Variants in AAK1 observed in about 807,000 individuals in gnomAD.
AAK1 encodes AP2 associated kinase 1.
In AAK1, 37 loss-of-function variants were observed where a neutral mutation model predicts 116.0. The ratio of observed to expected loss-of-function variants is 0.32; its 90% CI spans 0.25 to 0.42. AAK1 has a LOEUF of 0.42. Among genes scored for constraint, AAK1 ranks in the 10% least tolerant of loss-of-function variants. AAK1 has a pLI of 1.00. For synonymous variants in AAK1, 458 were observed against 439.9 expected (o/e 1.04, Z -0.51); for missense variants, 919 against 1,170.6 (o/e 0.79, Z 3.14).
chr2:69,642,352 T>C (rs984888680), intron 2 of AAK1, among the ~76,000 whole-genome samples: 2 of 152,152 alleles, frequency 1.3e-5, no homozygotes, highest in Admixed American at 1.3e-4. Flanking sequence ...AGGAAACAAA[T>C]CTACTAGTGA....
chr2:69,476,063 A>T, intron 21 of AAK1, 100 bp from the exon 22 acceptor site: 1 of 1,480,836 alleles, frequency 6.8e-7, no homozygotes, highest in African/African-American at 1.4e-5. Flanking sequence ...AACCAAAACC[A>T]AAACAAAAAA....
intron 17 of AAK1, 97 bp from the exon 18 acceptor site, chr2:69,482,909 G>T: frequency 2.8e-6 from 2 of 707,244 alleles, no homozygotes; most frequent in Non-Finnish European, 4.9e-6. Context: ...CATTTTAGGG[G>T]TCAATATTTG....
chr2:69,461,799 C>A lies in AAK1; in HGVS notation c.*14070G>T. ...TAGAGACAGGGTTTCACCATGTTGG[C>A]CAGGCTGGTCTCAAACTCCTACCCT... On this transcript the variant is annotated 3_prime_UTR_variant, in exon 22 of 22. Coordinates refer to ENST00000409085, the MANE Select transcript of AAK1 (RefSeq NM_014911.5). 5 of 287,968 alleles carry A rather than the reference C, an allele frequency of 1.7e-5. No individual in the cohort carries two copies. The highest frequency in any genetic ancestry group is 1.3e-4 in the South Asian group (5 of 37,702). The allele number at this position is 287,968 out of a possible 1,614,324, so 17.8% of individuals were successfully genotyped here.
chr2:69,467,683 C>A lies in AAK1; in HGVS notation c.*8186G>T. 1.0e-6 allele frequency: 1 copy of A among 985,380 alleles called. No homozygotes were observed. Among genetic ancestry groups the A allele is most frequent in the Non-Finnish European group, 1.2e-6 (1 of 829,920 alleles). 61.0% of individuals were successfully genotyped at this position (985,380 alleles called of 1,614,324 possible). ...CTCAATGATCCCCTTCCCATACTGA[C>A]CCTCTCCCCTCCTATGCAAACCATT... On this transcript the variant is annotated 3_prime_UTR_variant, in exon 22 of 22. Coordinates refer to ENST00000409085, the MANE Select transcript of AAK1 (RefSeq NM_014911.5).
intron 12 of AAK1, among the ~76,000 whole-genome samples, chr2:69,516,245 T>C (rs1392682723): frequency 6.6e-6 from 1 of 152,040 alleles, no homozygotes; most frequent in Non-Finnish European, 1.5e-5. Context: ...AATCATATGG[T>C]TATTGCTATC....
intron 2 of AAK1, among the ~76,000 whole-genome samples, chr2:69,566,968 A>C (rs151099867): frequency 3.3e-5 from 5 of 152,280 alleles, no homozygotes; most frequent in African/African-American, 4.8e-5. Flanking sequence ...CAGAAACTTA[A>C]TATCATTTGA....
At position 69,460,984 on chromosome 2, in the gene AAK1, TA is replaced by T. The variant is rs1265287165; in HGVS notation, c.*14884del. 1 of 152,202 alleles carries T rather than the reference TA, an allele frequency of 6.6e-6. No individual in the cohort carries two copies. Among genetic ancestry groups the T allele is most frequent in the Admixed American group, 6.5e-5 (1 of 15,278 alleles). 9.4% of individuals were successfully genotyped at this position (152,202 alleles called of 1,614,324 possible). A position where few individuals can be genotyped will look rare whatever the true frequency, so the allele number is the denominator to read the frequency against. On this transcript the variant is annotated 3_prime_UTR_variant, in exon 22 of 22. Coordinates refer to ENST00000409085, the MANE Select transcript of AAK1 (RefSeq NM_014911.5). Reference sequence around the variant, plus strand: ...ACTTCTATGTTCCCTATCAAATGTGTAAAGCAAAAACACAACAAACGAAAAC... The same window carrying T: ...ACTTCTATGTTCCCTATCAAATGTGTAAGCAAAAACACAACAAACGAAAAC...
rs1574178826 is a variant in AAK1 at position 69,462,218 on chromosome 2, T to A, written c.*13651A>T. The stretch of plus-strand genomic sequence containing the variant: ...GAACATCACACTCTGGGGACTGTTG[T>A]GGGGTGGGGGGAGGGGGGCGGGATA... On this transcript the variant is annotated 3_prime_UTR_variant, in exon 22 of 22. Coordinates refer to ENST00000409085, the MANE Select transcript of AAK1 (RefSeq NM_014911.5). 2.4e-5 allele frequency: 1 copy of A among 40,858 alleles called. No homozygotes were observed. The highest frequency in any genetic ancestry group is 4.4e-5 in the Non-Finnish European group (1 of 22,882). 2.5% of individuals were successfully genotyped at this position (40,858 alleles called of 1,614,324 possible). A position where few individuals can be genotyped will look rare whatever the true frequency, so the allele number is the denominator to read the frequency against.
chr2:69,475,669 T>G lies in AAK1; in HGVS notation c.*200A>C, dbSNP rs755582666. The G allele has an allele frequency of 2.1e-5, 29 of 1,363,744 alleles. No homozygotes were observed. The highest frequency in any genetic ancestry group is 2.8e-4 in the Middle Eastern group (1 of 3,634). 84.5% of individuals were successfully genotyped at this position (1,363,744 alleles called of 1,614,324 possible). On this transcript the variant is annotated 3_prime_UTR_variant, in exon 22 of 22. Coordinates refer to ENST00000409085, the MANE Select transcript of AAK1 (RefSeq NM_014911.5). ...ACACAGCAAACTAACAAGGAGGAAC[T>G]GGCCAAGGAATATCTGGAGGGCCAA...
At chr2:69,522,518 A>G (rs1390338533) in intron 10 of AAK1, among the ~76,000 whole-genome samples, 1 of 152,002 alleles carries the variant, frequency 6.6e-6, no homozygotes, top group Non-Finnish European at 1.5e-5. Context: ...AGAAAGAAAA[A>G]GCTGGCTGGG....
At chr2:69,622,506 A>G (rs188717981) in intron 2 of AAK1, among the ~76,000 whole-genome samples, 3,330 of 152,326 alleles carry the variant, frequency 0.022, 109 homozygotes, top group African/African-American at 0.074. Flanking sequence ...TGGGCTCCCG[A>G]GTCTAGTGGA....
At chr2:69,585,531 C>T (rs1404036029) in intron 2 of AAK1, among the ~76,000 whole-genome samples, 1 of 152,186 alleles carries the variant, frequency 6.6e-6, no homozygotes, top group Non-Finnish European at 1.5e-5. Context: ...AGCTTGGTGC[C>T]TGTCATCACT....
chr2:69,509,991 G>C (rs891317498), intron 13 of AAK1, among the ~76,000 whole-genome samples: 5 of 152,226 alleles, frequency 3.3e-5, no homozygotes, highest in African/African-American at 9.6e-5. Context: ...GGTTGGGAGT[G>C]AGTCAGAGAA....
At chr2:69,640,078 CT>C (rs369397395) in intron 2 of AAK1, among the ~76,000 whole-genome samples, 24 of 148,514 alleles carry the variant, frequency 1.6e-4, no homozygotes, top group East Asian at 4.5e-4. Flanking sequence ...CTCTCTCTCT[CT>C]CCCCCCCCAC....
intron 2 of AAK1, among the ~76,000 whole-genome samples, chr2:69,630,616 C>T (rs759882923): frequency 1.3e-5 from 2 of 152,202 alleles, no homozygotes; most frequent in African/African-American, 2.4e-5. Flanking sequence ...GATGAGAAGA[C>T]TAGATCTTAG....
chr2:69,547,721 A>G (rs1349780916), intron 3 of AAK1, among the ~76,000 whole-genome samples: 2 of 152,234 alleles, frequency 1.3e-5, no homozygotes, highest in South Asian at 2.1e-4. Context: ...TCAAGTTATC[A>G]TATGACCTAG....
chr2:69,587,368 T>TAC (rs1199648177), intron 2 of AAK1, among the ~76,000 whole-genome samples: 4 of 103,216 alleles, frequency 3.9e-5, no homozygotes, highest in South Asian at 3.3e-4. Flanking sequence ...CATATGCGTG[T>TAC]ACACACACAT....
In AAK1 at chr2:69,503,998, TAA is replaced by T. The variant is rs11461187; in HGVS notation, c.2269+1569_2269+1570del. On this transcript the variant is annotated intron_variant, in intron 16 of 21. Transcript: ENST00000409085. ...CCGGCAACAAGAGCGAAATTCCGTCTAAAAAAAAAAAAAAAAATTATATTTTA... is the reference window on the plus strand; with the variant it reads ...CCGGCAACAAGAGCGAAATTCCGTCTAAAAAAAAAAAAAAATTATATTTTA... Among the ~76,000 whole-genome samples, 1,207 of 135,992 alleles carry T rather than the reference TAA, an allele frequency of 8.9e-3. 14 individuals are homozygous for T. The highest frequency in any genetic ancestry group is 0.031 in the African/African-American group (1,140 of 37,102). The allele number at this position is 135,992 out of a possible 152,430, so 89.2% of individuals were successfully genotyped here. A position where few individuals can be genotyped will look rare whatever the true frequency, so the allele number is the denominator to read the frequency against.
intron 2 of AAK1, among the ~76,000 whole-genome samples, chr2:69,592,164 A>G (rs1183459428): frequency 6.6e-6 from 1 of 152,222 alleles, no homozygotes; most frequent in Non-Finnish European, 1.5e-5. Flanking sequence ...TACAATTTTC[A>G]AGAAATAGTC....
Sources: allele counts gnomAD v4.1 joint callset (sites outside exome capture counted in the v4.1 genomes callset), GRCh38; gene constraint gnomAD v4.1.1; transcripts MANE v1.5; gene names NCBI Gene and HGNC (gene_info 2026-07-23, HGNC 2026-07-21).